RNF6: variants seen among roughly 807,000 people sequenced by gnomAD.
RNF6 encodes the protein ring finger protein 6.
A neutral mutation model predicts 50.1 loss-of-function variants in RNF6; 21 were observed. The observed-to-expected ratio is 0.42, with a 90% CI of 0.30 to 0.60. The LOEUF (loss-of-function observed/expected upper bound fraction) is 0.60. RNF6 is among the 20% of genes least tolerant of loss of function. The pLI is 0.20. For synonymous variants in RNF6, 255 were observed against 291.8 expected (o/e 0.87, Z 1.29); for missense variants, 698 against 838.2 (o/e 0.83, Z 2.07).
chr13:26,139,434 G>A (rs978683712), intron 5 of RNF6, among the ~76,000 whole-genome samples: 1 of 152,004 alleles, frequency 6.6e-6, no homozygotes, highest in African/African-American at 2.4e-5. Context: ...GGCCCTGTGT[G>A]GCATGCCCTC....
chr13:26,167,054 C>A (rs142773231), intron 5 of RNF6, among the ~76,000 whole-genome samples: 1 of 152,166 alleles, frequency 6.6e-6, no homozygotes, highest in African/African-American at 2.4e-5. Context: ...AACATGCTAA[C>A]GCAATGGGTT....
rs116452557 is a variant in RNF6, at chr13:26,205,047, C to T, written n.768+10427G>A. Among the ~76,000 whole-genome samples the T allele has an allele frequency of 7.1e-3, 1,088 of 152,244 alleles. 11 individuals are homozygous for T. Among genetic ancestry groups the T allele is most frequent in the African/African-American group, 0.023 (970 of 41,544 alleles). On this transcript the variant is annotated intron_variant and non_coding_transcript_variant, in intron 5 of 5. Coordinates refer to the RNF6 transcript ENST00000468480. ...AGTGCACTCAGAGTCCCTGGAGCAA[C>T]GTGATAAATTGGCCCAAACTTCCCC...
chr13:26,214,264 T>C lies in RNF6; in HGVS notation c.1618A>G (p.Arg540Gly). ...TCAGTGCTGTCTCCTTGGGCCTGCCTGTCTTGAGAGGAACCTTCCCTGTGC... is the reference window on the plus strand; with the variant it reads ...TCAGTGCTGTCTCCTTGGGCCTGCCCGTCTTGAGAGGAACCTTCCCTGTGC... ...SQHREGSSQDRQAQGDSTEMH... is the reference protein window; with the variant it reads ...SQHREGSSQDGQAQGDSTEMH... The change falls in exon 5 of 5, where the codon AGG (arginine) becomes GGG (glycine). Residue 540 changes from arginine to glycine, a missense_variant. Arg to Gly is a moderately radical substitution (Grantham distance 125). Transcript: ENST00000381588. 1.2e-6 allele frequency: 2 copies of C among 1,614,212 alleles called. No homozygotes were observed. Among genetic ancestry groups the C allele is most frequent in the Non-Finnish European group, 1.7e-6 (2 of 1,180,032 alleles).
At chr13:26,165,719 T>C (rs1872419858) in intron 5 of RNF6, among the ~76,000 whole-genome samples, 1 of 152,234 alleles carries the variant, frequency 6.6e-6, no homozygotes, top group Non-Finnish European at 1.5e-5. Context: ...TGGACTTGCA[T>C]GGGGCCTGTA....
At chr13:26,199,320 T>G (rs1406854505) in intron 5 of RNF6, among the ~76,000 whole-genome samples, 1 of 152,200 alleles carries the variant, frequency 6.6e-6, no homozygotes, top group East Asian at 1.9e-4. Context: ...GATATCCATA[T>G]GCAGACAAAC....
In RNF6 at chr13:26,219,589, T is replaced by A; in HGVS notation, c.61A>T (p.Asn21Tyr). The change falls in exon 3 of 5, where the codon AAT becomes TAT. Residue 21 changes from asparagine (N) to tyrosine (Y), a missense_variant. Coordinates refer to ENST00000381588, the MANE Select transcript of RNF6 (RefSeq NM_005977.4). ...GSEETLPQDH[N>Y]HHENERRWQQ... ...CATCTTCTCTCATTTTCATGATGATTATGGTCTTGAGGTAAGGTTTCTTCA... is the reference window on the plus strand; with the variant it reads ...CATCTTCTCTCATTTTCATGATGATAATGGTCTTGAGGTAAGGTTTCTTCA... 6.2e-7 allele frequency: 1 copy of A among 1,614,036 alleles called. No homozygotes were observed. Among genetic ancestry groups the A allele is most frequent in the Middle Eastern group, 1.7e-4 (1 of 6,036 alleles).
At chr13:26,171,984 A>T (rs909673424) in intron 5 of RNF6, among the ~76,000 whole-genome samples, 1 of 152,204 alleles carries the variant, frequency 6.6e-6, no homozygotes, top group Non-Finnish European at 1.5e-5. Flanking sequence ...AATAACGGTG[A>T]TAAGTAATAG....
intron 5 of RNF6, among the ~76,000 whole-genome samples, chr13:26,169,498 GA>G (rs1872594975): frequency 6.6e-6 from 1 of 152,148 alleles, no homozygotes; most frequent in African/African-American, 2.4e-5. Context: ...ACAGGCCCCT[GA>G]CCTACCTTTT....
chr13:26,173,305 A>G (rs1005652546), intron 5 of RNF6, among the ~76,000 whole-genome samples: 3 of 152,242 alleles, frequency 2.0e-5, no homozygotes, highest in African/African-American at 7.2e-5. Context: ...AGAAGTGGGA[A>G]AACCTAAATA....
At chr13:26,205,628 A>T (rs1869076215) in intron 5 of RNF6, among the ~76,000 whole-genome samples, 1 of 152,268 alleles carries the variant, frequency 6.6e-6, no homozygotes, top group Non-Finnish European at 1.5e-5. Flanking sequence ...GTTTACTAAC[A>T]TCAGTTGCCA....
intron 5 of RNF6, among the ~76,000 whole-genome samples, chr13:26,158,334 C>T (rs1872045908): frequency 6.6e-6 from 1 of 152,152 alleles, no homozygotes; most frequent in Non-Finnish European, 1.5e-5. Flanking sequence ...ATGAGCAGCA[C>T]GTGTGTATAT....
rs373446175 is a variant in RNF6, at chr13:26,152,041, A to G, written n.769-19590T>C. ...TCCAACCTTCTGCGGGTAACACACC[A>G]ACCTCTTTTATAACCTGGCCTCGGC... On this transcript the variant is annotated intron_variant and non_coding_transcript_variant, in intron 5 of 5. Coordinates refer to the RNF6 transcript ENST00000468480. Among the ~76,000 whole-genome samples the G allele has an allele frequency of 5.9e-5, 9 of 152,266 alleles. No homozygotes were observed. In the East Asian group the frequency reaches 1.5e-3, roughly 26 times the overall value.
At chr13:26,171,190 C>T (rs937900267) in intron 5 of RNF6, among the ~76,000 whole-genome samples, 1 of 152,104 alleles carries the variant, frequency 6.6e-6, no homozygotes, top group African/African-American at 2.4e-5. Context: ...ATATTAAAAT[C>T]TCCTACAGCT....
intron 5 of RNF6, among the ~76,000 whole-genome samples, chr13:26,198,581 C>T (rs2137701604): frequency 6.6e-6 from 1 of 151,930 alleles, no homozygotes; most frequent in Admixed American, 6.6e-5. Context: ...TTTCCACTAA[C>T]AGCAGAAACA....
At chr13:26,204,513 AAAG>A (rs1169175178) in intron 5 of RNF6, among the ~76,000 whole-genome samples, 1 of 150,904 alleles carries the variant, frequency 6.6e-6, no homozygotes, top group African/African-American at 2.4e-5. Context: ...AAAAAAAAAA[AAAG>A]AAAGAAAGAA....
chr13:26,160,214 C>T (rs572608922), intron 5 of RNF6, among the ~76,000 whole-genome samples: 3 of 152,042 alleles, frequency 2.0e-5, no homozygotes, highest in Non-Finnish European at 2.9e-5. Context: ...TTGTGCAGTT[C>T]GATAAACACA....
chr13:26,160,528 T>A (rs113122741), intron 5 of RNF6, among the ~76,000 whole-genome samples: 2,120 of 88,580 alleles, frequency 0.024, 57 homozygotes, highest in African/African-American at 0.071. Context: ...CCAGCCTATC[T>A]TCTTCTCTTC....
chr13:26,139,049 C>T (rs778787246), intron 5 of RNF6, among the ~76,000 whole-genome samples: 1 of 152,070 alleles, frequency 6.6e-6, no homozygotes. Flanking sequence ...TTATATGTTT[C>T]GACATCTTAA....
intron 5 of RNF6, among the ~76,000 whole-genome samples, chr13:26,167,108 A>G (rs1438466917): frequency 1.3e-5 from 2 of 152,268 alleles, no homozygotes; most frequent in Non-Finnish European, 2.9e-5. Flanking sequence ...ACCCTGGAAG[A>G]CAAACTAGGC....
Sources: gnomAD v4.1 joint callset for allele counts (sites outside exome capture counted in the v4.1 genomes callset) on GRCh38, gnomAD v4.1.1 for gene constraint, MANE v1.5 for transcripts, NCBI Gene and HGNC (gene_info 2026-07-23, HGNC 2026-07-21) for gene names.